Variants in OSBPL10 observed in about 807,000 individuals in gnomAD.
OSBPL10 encodes the protein oxysterol binding protein like 10.
A neutral mutation model predicts 81.7 loss-of-function variants in OSBPL10; 49 were observed. The ratio of observed to expected loss-of-function variants is 0.60; its 90% CI spans 0.48 to 0.76. OSBPL10 has a LOEUF of 0.76. OSBPL10 is among the 30% of genes least tolerant of loss of function. The pLI is 0.00. For synonymous variants in OSBPL10, 419 were observed against 383.6 expected (o/e 1.09, Z -1.08); for missense variants, 923 against 987.8 (o/e 0.93, Z 0.88).
At chr3:32,022,098 G>A (rs1473929692) in intron 2 of OSBPL10, among the ~76,000 whole-genome samples, 1 of 152,162 alleles carries the variant, frequency 6.6e-6, no homozygotes, top group African/African-American at 2.4e-5. Context: ...TGTTAGTGGT[G>A]TTTTTTGAAG....
intron 6 of OSBPL10, among the ~76,000 whole-genome samples, chr3:31,730,293 A>G (rs559240121): frequency 6.6e-6 from 1 of 151,830 alleles, no homozygotes; most frequent in African/African-American, 2.4e-5. Context: ...GTGAGCTGAG[A>G]TCGATCACGC....
chr3:31,697,028 C>T (rs1695741297), intron 7 of OSBPL10, among the ~76,000 whole-genome samples: 1 of 152,200 alleles, frequency 6.6e-6, no homozygotes, highest in Non-Finnish European at 1.5e-5. Flanking sequence ...ATGAACCACA[C>T]CTCCTGGAAT....
At chr3:31,749,976 T>A (rs1374705006) in intron 4 of OSBPL10, among the ~76,000 whole-genome samples, 1 of 150,516 alleles carries the variant, frequency 6.6e-6, no homozygotes, top group Non-Finnish European at 1.5e-5. Flanking sequence ...AGGTCAGGAG[T>A]TCGAAACCAG....
chr3:32,030,734 A>G, intron 2 of OSBPL10: 1 of 672,784 alleles, frequency 1.5e-6, no homozygotes, highest in Non-Finnish European at 2.6e-6. Flanking sequence ...AAATAAATAA[A>G]AAATTACTAA....
At chr3:31,967,433 T>C (rs1474407278) in intron 1 of OSBPL10, among the ~76,000 whole-genome samples, 3 of 151,898 alleles carry the variant, frequency 2.0e-5, no homozygotes, top group African/African-American at 4.8e-5. Flanking sequence ...TGAGCTGTGA[T>C]TGCACCACTG....
At chr3:32,043,772 T>C (rs1455037076) in intron 2 of OSBPL10, among the ~76,000 whole-genome samples, 2 of 152,202 alleles carry the variant, frequency 1.3e-5, no homozygotes, top group Non-Finnish European at 2.9e-5. Flanking sequence ...GCAGCATGGA[T>C]GCAGCTGGAG....
intron 4 of OSBPL10, among the ~76,000 whole-genome samples, chr3:31,770,891 T>C (rs528401184): frequency 2.6e-4 from 39 of 152,360 alleles, no homozygotes; most frequent in African/African-American, 8.4e-4. Context: ...ATTTGTTTAC[T>C]GGTCGAGGGA....
At chr3:32,018,519 T>C (rs1699334660) in intron 2 of OSBPL10, among the ~76,000 whole-genome samples, 1 of 152,036 alleles carries the variant, frequency 6.6e-6, no homozygotes, top group Non-Finnish European at 1.5e-5. Context: ...GAAACCACAC[T>C]GGAAAAAAGT....
At chr3:31,990,892 TC>T (rs1168243779) in intron 2 of OSBPL10, 1 of 1,575,162 alleles carries the variant, frequency 6.3e-7, no homozygotes, top group Non-Finnish European at 8.6e-7. Context: ...AGCCTTTACT[TC>T]ACATTCACAT....
intron 2 of OSBPL10, among the ~76,000 whole-genome samples, chr3:32,011,956 T>C (rs1699264151): frequency 6.6e-6 from 1 of 152,094 alleles, no homozygotes; most frequent in African/African-American, 2.4e-5. Context: ...AAAGACCGAA[T>C]CTACATCTGA....
chr3:31,888,251 C>T (rs1202136069), intron 1 of OSBPL10, among the ~76,000 whole-genome samples: 2 of 152,088 alleles, frequency 1.3e-5, no homozygotes, highest in African/African-American at 2.4e-5. Flanking sequence ...GTAAATGGTG[C>T]GGGGACAACT....
chr3:32,032,318 G>A (rs1273831395), intron 2 of OSBPL10, among the ~76,000 whole-genome samples: 1 of 152,108 alleles, frequency 6.6e-6, no homozygotes, highest in African/African-American at 2.4e-5. Flanking sequence ...AGGAGGCTAA[G>A]GTGGGAGAAT....
intron 1 of OSBPL10, among the ~76,000 whole-genome samples, chr3:31,922,251 G>A (rs754790668): frequency 1.1e-4 from 16 of 152,210 alleles, no homozygotes; most frequent in Non-Finnish European, 2.1e-4. Context: ...CCACATAAAC[G>A]TAAAATGTTA....
chr3:31,955,145 C>T (rs189164550), intron 1 of OSBPL10, among the ~76,000 whole-genome samples: 241 of 152,242 alleles, frequency 1.6e-3, no homozygotes, highest in Non-Finnish European at 2.6e-3. Flanking sequence ...TTTAATGCAG[C>T]GTGAGCTGCT....
At position 31,905,345 on chromosome 3, in the gene OSBPL10, A is replaced by ATTTTT. The variant is rs386396290; in HGVS notation, c.282-25520_282-25516dup. 5.3e-4 allele frequency among the ~76,000 whole-genome samples: 50 copies of ATTTTT among 94,812 alleles called. 4 individuals are homozygous for ATTTTT. Among genetic ancestry groups the ATTTTT allele is most frequent in the East Asian group, 4.6e-3 (12 of 2,588 alleles). 62.2% of individuals were successfully genotyped at this position (94,812 alleles called of 152,430 possible). A position where few individuals can be genotyped will look rare whatever the true frequency, so the allele number is the denominator to read the frequency against. On this transcript the variant is annotated intron_variant, in intron 1 of 11. Transcript: ENST00000396556. Reference sequence around the variant, plus strand: ...GAGCTCTATGTCAAGGAACCTGGTGATTTTTTTTTTTTTTTTTTTTTTTAG... The same window carrying ATTTTT: ...GAGCTCTATGTCAAGGAACCTGGTGATTTTTTTTTTTTTTTTTTTTTTTTTTTTAG...
At position 31,980,894 on chromosome 3, in the gene OSBPL10, G is replaced by A; in HGVS notation, c.281+5C>T. ...GCGCGGTGGCGCGGGCGGCTGGCGC[G>A]TTACCTGTTCTGCCAGCCCTGGAGG... On this transcript the variant is annotated splice_donor_5th_base_variant and intron_variant, in intron 1 of 11. Transcript: ENST00000396556. 3 of 1,563,186 alleles carry A rather than the reference G, an allele frequency of 1.9e-6. No individual in the cohort carries two copies. The highest frequency in any genetic ancestry group is 2.5e-5 in the East Asian group (1 of 39,630).
chr3:31,702,486 A>G lies in OSBPL10; in HGVS notation c.1118T>C (p.Val373Ala), dbSNP rs1314078402. ...GTCACTTTTTTCATCTTCAGACAAA[A>G]CCAATTCAGAGCCTGAGTTTGGCTA... ...EPEPNSGSEL[V>A]LSEDEKSDNE... Residue 373 changes from valine (V) to alanine (A), a missense_variant, in exon 7 of 12, where the codon GTT becomes GCT. This residue lies in a region of OSBPL10 where 514 missense variants were observed against 508.0 expected (regional missense o/e 1.01). Coordinates refer to ENST00000396556, the MANE Select transcript of OSBPL10 (RefSeq NM_017784.5). 3.7e-6 allele frequency: 6 copies of G among 1,614,202 alleles called. No individual in the cohort carries two copies. Among genetic ancestry groups the G allele is most frequent in the Non-Finnish European group, 5.1e-6 (6 of 1,180,026 alleles).
At chr3:31,983,126 A>C (rs1439111314), upstream of OSBPL10, among the ~76,000 whole-genome samples, 1 of 152,224 alleles carries the variant, frequency 6.6e-6, no homozygotes, top group Non-Finnish European at 1.5e-5. Context: ...GTTTGTTTGA[A>C]GCCATTGAGA....
chr3:31,805,108 C>T (rs545709375), intron 4 of OSBPL10, among the ~76,000 whole-genome samples: 1 of 152,332 alleles, frequency 6.6e-6, no homozygotes, highest in South Asian at 2.1e-4. Flanking sequence ...CTTGATTACA[C>T]TTTAAATGAA....
Sources: allele counts gnomAD v4.1 joint callset (sites outside exome capture counted in the v4.1 genomes callset), GRCh38; gene constraint gnomAD v4.1.1; regional missense constraint gnomAD v4.1.1; transcripts MANE v1.5; gene names NCBI Gene and HGNC (gene_info 2026-07-23, HGNC 2026-07-21).